AFG2A: variants seen among roughly 807,000 people sequenced by gnomAD.
AFG2A encodes the protein ATPase family gene 2 protein homolog A.
chr4:122,935,518 CAGAG>C, the AFG2A span, among the ~76,000 whole-genome samples: 1 of 151,424 alleles, frequency 6.6e-6, no homozygotes, highest in South Asian at 2.1e-4. Context: ...CTGTGGTCTA[CAGAG>C]AGAGAAAGTC....
chr4:123,140,133 A>G, the AFG2A span, among the ~76,000 whole-genome samples: 11 of 152,114 alleles, frequency 7.2e-5, no homozygotes, highest in Admixed American at 5.2e-4. Context: ...CAATCCTGAT[A>G]TGTAAAGTAA....
chr4:123,084,402 T>G, the AFG2A span, among the ~76,000 whole-genome samples: 12 of 152,102 alleles, frequency 7.9e-5, no homozygotes, highest in East Asian at 2.1e-3. Context: ...TGATTTTAGA[T>G]CTTCTCTAAT....
At chr4:123,253,193 A>G in the AFG2A span, among the ~76,000 whole-genome samples, 3 of 151,494 alleles carry the variant, frequency 2.0e-5, no homozygotes, top group African/African-American at 7.3e-5. Context: ...TACAAAAGAA[A>G]TAGCTGGGGC....
the AFG2A span, among the ~76,000 whole-genome samples, chr4:123,287,130 G>A: frequency 2.0e-5 from 3 of 152,158 alleles, no homozygotes; most frequent in South Asian, 6.2e-4. Flanking sequence ...CCAAAGAGCA[G>A]ATTGAGTCCA....
At chr4:123,115,059 T>TG in the AFG2A span, among the ~76,000 whole-genome samples, 1 of 152,196 alleles carries the variant, frequency 6.6e-6, no homozygotes, top group African/African-American at 2.4e-5. Context: ...CTGTTGCCAC[T>TG]GCTGCTCTCA....
At chr4:122,939,552 T>A in the AFG2A span, among the ~76,000 whole-genome samples, 51 of 152,292 alleles carry the variant, frequency 3.3e-4, no homozygotes, top group Middle Eastern at 3.4e-3. Flanking sequence ...TTTAGAATCA[T>A]AATATGTTAG....
chr4:123,077,561 G>GT, the AFG2A span, among the ~76,000 whole-genome samples: 1 of 152,152 alleles, frequency 6.6e-6, no homozygotes, highest in African/African-American at 2.4e-5. Context: ...CTGTATGTTT[G>GT]TATCAGTTCC....
At chr4:123,050,618 G>A in the AFG2A span, among the ~76,000 whole-genome samples, 1 of 151,678 alleles carries the variant, frequency 6.6e-6, no homozygotes, top group African/African-American at 2.4e-5. Context: ...TATAAATATA[G>A]CTACTCCTGC....
the AFG2A span, among the ~76,000 whole-genome samples, chr4:123,219,791 G>A: frequency 6.6e-6 from 1 of 151,872 alleles, no homozygotes; most frequent in Non-Finnish European, 1.5e-5. Flanking sequence ...CCTTGACCCT[G>A]TTTCTTCAAA....
chr4:123,287,728 A>T, the AFG2A span, among the ~76,000 whole-genome samples: 1 of 152,190 alleles, frequency 6.6e-6, no homozygotes, highest in Non-Finnish European at 1.5e-5. Context: ...GAGGCAACAG[A>T]CCATCAACAA....
At chr4:122,923,124 G>T in the AFG2A span, 3 of 1,613,926 alleles carry the variant, frequency 1.9e-6, no homozygotes, top group Non-Finnish European at 2.5e-6. Context: ...TACTGCTTCG[G>T]CTAGGGTACC....
At chr4:122,969,612 C>T in the AFG2A span, among the ~76,000 whole-genome samples, 1 of 152,152 alleles carries the variant, frequency 6.6e-6, no homozygotes, top group East Asian at 1.9e-4. Flanking sequence ...TCTTCCTTCT[C>T]CCCACCCAGT....
the AFG2A span, among the ~76,000 whole-genome samples, chr4:123,085,796 G>C: frequency 6.6e-6 from 1 of 151,650 alleles, no homozygotes; most frequent in Non-Finnish European, 1.5e-5. Context: ...TCTCTTTCAT[G>C]GCTTTAATTG....
At chr4:123,256,903 TAAGGA>T in the AFG2A span, 2 of 952,194 alleles carry the variant, frequency 2.1e-6, no homozygotes, top group Non-Finnish European at 2.5e-6. Flanking sequence ...CTGCATTTCT[TAAGGA>T]AAGGACCAAC....
the AFG2A span, among the ~76,000 whole-genome samples, chr4:122,946,454 C>A: frequency 1.3e-5 from 2 of 152,086 alleles, no homozygotes; most frequent in Non-Finnish European, 2.9e-5. Context: ...TTCATAGATT[C>A]GCTGTAGTCC....
chr4:123,094,208 G>A, the AFG2A span, among the ~76,000 whole-genome samples: 1 of 152,098 alleles, frequency 6.6e-6, no homozygotes, highest in Non-Finnish European at 1.5e-5. Flanking sequence ...GTTAAACAGA[G>A]GAACTATTTT....
chr4:123,156,640 G>A, the AFG2A span, among the ~76,000 whole-genome samples: 3 of 151,508 alleles, frequency 2.0e-5, no homozygotes, highest in Admixed American at 6.6e-5. Flanking sequence ...ATATGTCTGA[G>A]TATTATTTTT....
the AFG2A span, among the ~76,000 whole-genome samples, chr4:123,170,672 GTATTAA>G: frequency 2.0e-5 from 3 of 151,990 alleles, no homozygotes; most frequent in Non-Finnish European, 4.4e-5. Flanking sequence ...TGGTGACATC[GTATTAA>G]TATTTAGTCT....
the AFG2A span, among the ~76,000 whole-genome samples, chr4:123,130,295 G>A: frequency 0.037 from 5,573 of 152,258 alleles, 338 homozygotes; most frequent in African/African-American, 0.13. Context: ...GAGATGACAG[G>A]CGTGAGACAC....
Sources: gnomAD v4.1 joint callset for allele counts (sites outside exome capture counted in the v4.1 genomes callset) on GRCh38, gnomAD v4.1.1 for gene constraint, MANE v1.5 for transcripts, NCBI Gene and HGNC (gene_info 2026-07-23, HGNC 2026-07-21) for gene names.